The following AGBL4 variants were observed in gnomAD, a reference collection of about 807,000 sequenced individuals.
AGBL4 encodes cytosolic carboxypeptidase 6.
A neutral mutation model predicts 66.4 loss-of-function variants in AGBL4; 58 were observed. The observed-to-expected ratio is 0.87, with a 90% CI of 0.71 to 1.09. The LOEUF (loss-of-function observed/expected upper bound fraction) is 1.09. Ranked by LOEUF, AGBL4 falls within the 50% of genes least tolerant of loss-of-function variation. AGBL4 has a pLI of 0.00. For missense variants in AGBL4, 579 were observed against 631.0 expected (o/e 0.92, Z 0.88); for synonymous variants, 234 against 222.9 (o/e 1.05, Z -0.44).
intron 3 of AGBL4, among the ~76,000 whole-genome samples, chr1:49,481,958 C>T (rs1247048908): frequency 6.6e-6 from 1 of 150,546 alleles, no homozygotes; most frequent in East Asian, 1.9e-4. Flanking sequence ...CCCAATCTTG[C>T]ATCCTGGGGA....
At position 49,387,403 on chromosome 1, in the gene AGBL4, T is replaced by A. The variant is rs145856791; in HGVS notation, c.283-141539A>T. Among the ~76,000 whole-genome samples the A allele has an allele frequency of 3.8e-3, 582 of 152,040 alleles. 2 individuals carry two copies. The highest frequency in any genetic ancestry group is 5.2e-3 in the Non-Finnish European group (352 of 67,836). On this transcript the variant is annotated intron_variant, in intron 3 of 13. Coordinates refer to ENST00000371839, the MANE Select transcript of AGBL4 (RefSeq NM_032785.4). ...TTTAATTAAGCAGCTCAACCTACTT[T>A]ATTAAAGTTTTGACTATTTTACAGT...
chr1:49,791,812 C>T (rs1178491850), intron 2 of AGBL4, among the ~76,000 whole-genome samples: 1 of 152,050 alleles, frequency 6.6e-6, no homozygotes, highest in African/African-American at 2.4e-5. Context: ...TCTTTCATAA[C>T]ATTTCTCACA....
rs2148633071 is a variant in AGBL4 at position 49,415,310 on chromosome 1, T to C, written c.283-169446A>G. On this transcript the variant is annotated intron_variant, in intron 3 of 13. Coordinates refer to ENST00000371839, the MANE Select transcript of AGBL4 (RefSeq NM_032785.4). ...GATAATGCAGCACCTAGCAGAGTGG[T>C]GCAACAATGTTAATTGATTGCTTTA... 1.3e-5 allele frequency among the ~76,000 whole-genome samples: 2 copies of C among 152,286 alleles called. 1 individual carries two copies. The highest frequency in any genetic ancestry group is 4.1e-4 in the South Asian group (2 of 4,824).
chr1:48,763,466 T>A (rs1465166158), intron 6 of AGBL4, among the ~76,000 whole-genome samples: 1 of 151,972 alleles, frequency 6.6e-6, no homozygotes, highest in Non-Finnish European at 1.5e-5. Flanking sequence ...GCAATGGTGT[T>A]TTTTTGTGTG....
At chr1:49,005,714 A>T (rs893500728) in intron 5 of AGBL4, among the ~76,000 whole-genome samples, 1 of 152,202 alleles carries the variant, frequency 6.6e-6, no homozygotes, top group African/African-American at 2.4e-5. Context: ...ATGGTTTCAG[A>T]CATTCACTGA....
chr1:49,202,645 T>TA (rs1240304037), intron 4 of AGBL4, among the ~76,000 whole-genome samples: 2 of 152,134 alleles, frequency 1.3e-5, no homozygotes. Context: ...TATAAGACCT[T>TA]AAACTATAAA....
intron 3 of AGBL4, among the ~76,000 whole-genome samples, chr1:49,353,904 A>G (rs761224499): frequency 6.6e-5 from 10 of 152,068 alleles, no homozygotes; most frequent in Admixed American, 1.3e-4. Flanking sequence ...CAGCTCCCCA[A>G]TCATCCTGCT....
chr1:50,012,343 TTA>T (rs1661613200), intron 1 of AGBL4, among the ~76,000 whole-genome samples: 1 of 152,034 alleles, frequency 6.6e-6, no homozygotes, highest in Non-Finnish European at 1.5e-5. Flanking sequence ...TTAAAATAAT[TTA>T]GAGTGTAATT....
chr1:48,875,178 A>G (rs1239219610), intron 5 of AGBL4, among the ~76,000 whole-genome samples: 2 of 152,182 alleles, frequency 1.3e-5, no homozygotes, highest in African/African-American at 4.8e-5. Context: ...AATTTATTTT[A>G]ATTGTGGTAA....
At chr1:49,178,269 C>T (rs2148180390) in intron 4 of AGBL4, among the ~76,000 whole-genome samples, 1 of 152,238 alleles carries the variant, frequency 6.6e-6, no homozygotes, top group South Asian at 2.1e-4. Flanking sequence ...GAGATAATGT[C>T]CTCTGTAAAA....
intron 3 of AGBL4, among the ~76,000 whole-genome samples, chr1:49,381,013 A>C (rs1171223018): frequency 6.6e-6 from 1 of 152,232 alleles, no homozygotes; most frequent in African/African-American, 2.4e-5. Flanking sequence ...ATTAAACTCA[A>C]GAGCTTTTGT....
At position 49,484,283 on chromosome 1, in the gene AGBL4, G is replaced by C. The variant is rs918080463; in HGVS notation, c.282+213030C>G. Among the ~76,000 whole-genome samples, 5 of 151,916 alleles carry C rather than the reference G, an allele frequency of 3.3e-5. 1 individual carries two copies. The highest frequency in any genetic ancestry group is 1.2e-4 in the African/African-American group (5 of 41,390). On this transcript the variant is annotated intron_variant, in intron 3 of 13. Coordinates refer to ENST00000371839, the MANE Select transcript of AGBL4 (RefSeq NM_032785.4). ...AAAGTTGGGAAATCAACATACTGAA[G>C]AGATATCTGAACTCCCATGTTTATT...
chr1:48,570,503 T>C (rs1447058131), intron 11 of AGBL4, among the ~76,000 whole-genome samples: 1 of 152,054 alleles, frequency 6.6e-6, no homozygotes, highest in Non-Finnish European at 1.5e-5. Flanking sequence ...CTATGCCTCA[T>C]ACAAGTTTGG....
At chr1:49,202,266 T>C in intron 4 of AGBL4, among the ~76,000 whole-genome samples, 1 of 152,152 alleles carries the variant, frequency 6.6e-6, no homozygotes, top group Non-Finnish European at 1.5e-5. Flanking sequence ...ATTTCGCTAT[T>C]TGCAATATAT....
chr1:48,803,141 A>G (rs1645847576), intron 6 of AGBL4, among the ~76,000 whole-genome samples: 1 of 152,212 alleles, frequency 6.6e-6, no homozygotes, highest in South Asian at 2.1e-4. Flanking sequence ...CAATGCCAAG[A>G]CCCAGACATA....
chr1:49,882,267 AC>A (rs1432859955), intron 1 of AGBL4, among the ~76,000 whole-genome samples: 1 of 150,258 alleles, frequency 6.7e-6, no homozygotes, highest in Non-Finnish European at 1.5e-5. Context: ...TGGTACCAGT[AC>A]CATGCTGTTT....
At chr1:49,063,904 C>G (rs753724334) in intron 4 of AGBL4, among the ~76,000 whole-genome samples, 1 of 152,180 alleles carries the variant, frequency 6.6e-6, no homozygotes, top group Non-Finnish European at 1.5e-5. Context: ...TTCATTAGCT[C>G]TTTTACATGC....
chr1:48,894,924 T>C (rs1651354346), intron 5 of AGBL4, among the ~76,000 whole-genome samples: 1 of 152,264 alleles, frequency 6.6e-6, no homozygotes, highest in South Asian at 2.1e-4. Flanking sequence ...AATTTATGCT[T>C]CATCATATTA....
intron 2 of AGBL4, among the ~76,000 whole-genome samples, chr1:49,817,726 G>A (rs1028758324): frequency 2.3e-4 from 13 of 55,774 alleles, no homozygotes; most frequent in Non-Finnish European, 3.1e-4. Context: ...ATTTTACCCT[G>A]TTTAGATATG....
Sources: allele counts gnomAD v4.1 joint callset (sites outside exome capture counted in the v4.1 genomes callset), GRCh38; gene constraint gnomAD v4.1.1; transcripts MANE v1.5; gene names NCBI Gene and HGNC (gene_info 2026-07-23, HGNC 2026-07-21).